The following SLC39A9 variants were observed in gnomAD, a reference collection of about 807,000 sequenced individuals.
SLC39A9 encodes the protein zinc transporter ZIP9.
Under a neutral mutation model 28.4 loss-of-function variants are expected in SLC39A9, and 14 were observed. The ratio of observed to expected loss-of-function variants is 0.49; its 90% CI spans 0.33 to 0.77. SLC39A9 has a LOEUF of 0.77. Ranked by LOEUF, SLC39A9 falls within the 30% of genes least tolerant of loss-of-function variation. The pLI, the probability that SLC39A9 is intolerant of heterozygous loss-of-function variation, is 0.02. For synonymous variants in SLC39A9, 119 were observed against 149.6 expected, an observed-to-expected ratio of 0.80 and a Z score of 1.49; for missense variants, 283 against 381.1, an observed-to-expected ratio of 0.74 and a Z score of 2.14.
chr14:69,449,626 T>TA (rs1382324976), intron 3 of SLC39A9, among the ~76,000 whole-genome samples: 1 of 151,900 alleles, frequency 6.6e-6, no homozygotes, highest in Admixed American at 6.6e-5. Flanking sequence ...CCCTGTGTCT[T>TA]AAAAAAAGAG....
chr14:69,442,533 T>G (rs1308714732), intron 3 of SLC39A9, among the ~76,000 whole-genome samples: 1 of 152,238 alleles, frequency 6.6e-6, no homozygotes, highest in Non-Finnish European at 1.5e-5. Context: ...TTAACTTAGT[T>G]TTTTGCTGTG....
At chr14:69,407,708 G>T (rs1454667172) in intron 1 of SLC39A9, among the ~76,000 whole-genome samples, 1 of 150,622 alleles carries the variant, frequency 6.6e-6, no homozygotes, top group Non-Finnish European at 1.5e-5. Context: ...GCACGATCTC[G>T]GCTCACTGCA....
rs754358585 is a variant in SLC39A9, at chr14:69,461,361, G to C, written c.*2768G>C. ...TAATTGCTTGTCAGTTCCATTTCAA[G>C]AAAGCAGTGATGTTCCAGGTTTGAT... is the stretch of plus-strand genomic sequence containing the variant. On this transcript the variant is annotated 3_prime_UTR_variant, in exon 7 of 7. Transcript: ENST00000336643. 8.9e-6 allele frequency: 10 copies of C among 1,120,414 alleles called. No homozygotes were observed. Among genetic ancestry groups the C allele is most frequent in the Non-Finnish European group, 1.1e-5 (10 of 910,624 alleles). The allele number at this position is 1,120,414 out of a possible 1,614,324, so 69.4% of individuals were successfully genotyped here.
chr14:69,409,352 T>C (rs1252148268), intron 1 of SLC39A9, among the ~76,000 whole-genome samples: 2 of 152,196 alleles, frequency 1.3e-5, no homozygotes, highest in East Asian at 3.8e-4. Flanking sequence ...GTTGTTGTTG[T>C]TAAGGCAAGG....
chr14:69,451,743 T>C (rs1885619670), intron 3 of SLC39A9, among the ~76,000 whole-genome samples: 1 of 152,206 alleles, frequency 6.6e-6, no homozygotes, highest in Non-Finnish European at 1.5e-5. Context: ...TGAGACAAGG[T>C]CTTGCTCTGT....
chr14:69,413,838 T>C (rs1374868521), intron 1 of SLC39A9, among the ~76,000 whole-genome samples: 1 of 152,172 alleles, frequency 6.6e-6, no homozygotes, highest in Admixed American at 6.5e-5. Flanking sequence ...TCATGTGATC[T>C]TGGGCAAATC....
intron 1 of SLC39A9, among the ~76,000 whole-genome samples, chr14:69,408,874 G>T (rs1349057129): frequency 6.6e-6 from 1 of 152,100 alleles, no homozygotes; most frequent in Non-Finnish European, 1.5e-5. Flanking sequence ...TAGTAGAGGG[G>T]AAAACATCTC....
intron 1 of SLC39A9, among the ~76,000 whole-genome samples, chr14:69,400,068 G>C (rs1248846427): frequency 6.7e-6 from 1 of 150,142 alleles, no homozygotes; most frequent in South Asian, 2.1e-4. Flanking sequence ...CTCCAAAAAA[G>C]AAAAAAAAAG....
intron 1 of SLC39A9, among the ~76,000 whole-genome samples, chr14:69,409,582 C>T (rs577358513): frequency 2.6e-5 from 4 of 152,282 alleles, no homozygotes; most frequent in Admixed American, 1.3e-4. Context: ...AGTAATCAAT[C>T]GTCTTGTCTT....
intron 2 of SLC39A9, among the ~76,000 whole-genome samples, chr14:69,435,485 T>A (rs1423859666): frequency 1.3e-5 from 2 of 152,238 alleles, no homozygotes; most frequent in Non-Finnish European, 2.9e-5. Flanking sequence ...TCATTTTTTT[T>A]AAACTCTAGT....
chr14:69,405,141 C>T (rs1026943272), intron 1 of SLC39A9, among the ~76,000 whole-genome samples: 1 of 152,190 alleles, frequency 6.6e-6, no homozygotes, highest in Non-Finnish European at 1.5e-5. Context: ...GACCTCCCAC[C>T]AGGTCCCTCG....
chr14:69,421,920 T>G (rs763660642), intron 1 of SLC39A9, among the ~76,000 whole-genome samples: 1 of 152,174 alleles, frequency 6.6e-6, no homozygotes, highest in African/African-American at 2.4e-5. Context: ...ATGGCTTCCC[T>G]TGGCTAGGAA....
intron 1 of SLC39A9, among the ~76,000 whole-genome samples, chr14:69,403,114 A>G (rs1882726580): frequency 6.6e-6 from 1 of 151,902 alleles, no homozygotes; most frequent in Non-Finnish European, 1.5e-5. Context: ...ATAAAAATAA[A>G]TAAATAAAGG....
chr14:69,431,759 A>G (rs2140284148), intron 2 of SLC39A9, among the ~76,000 whole-genome samples: 1 of 151,938 alleles, frequency 6.6e-6, no homozygotes, highest in Middle Eastern at 3.4e-3. Context: ...TGCCATCTTT[A>G]TGTCTATGAG....
chr14:69,459,171 C>T lies in SLC39A9; in HGVS notation c.*578C>T. On this transcript the variant is annotated 3_prime_UTR_variant, in exon 7 of 7. Transcript: ENST00000336643. ...ATGATAGCAAGACACATTGAAAGCT[C>T]TCTTTATACTCAAAAGAGATATCCA... is the stretch of plus-strand genomic sequence containing the variant. 1 of 985,764 alleles carries T rather than the reference C, an allele frequency of 1.0e-6. No homozygotes were observed. The highest frequency in any genetic ancestry group is 1.7e-5 in the African/African-American group (1 of 57,338). The allele number at this position is 985,764 out of a possible 1,614,324, so 61.1% of individuals were successfully genotyped here. A position where few individuals can be genotyped will look rare whatever the true frequency, so the allele number is the denominator to read the frequency against.
upstream of SLC39A9, chr14:69,398,522 T>G (rs1027373418): frequency 3.6e-6 from 2 of 554,190 alleles, no homozygotes; most frequent in African/African-American, 3.8e-5. Context: ...CTTTCGTTAT[T>G]AAACATACGG....
At position 69,460,845 on chromosome 14, in the gene SLC39A9, A is replaced by G. The variant is rs1271897392; in HGVS notation, c.*2252A>G. ...AAAGCTGCTGCCTCGAGAACTACTCATTTCTCTCCTGGTCAGCAGACAGAA... is the reference window on the plus strand; with the variant it reads ...AAAGCTGCTGCCTCGAGAACTACTCGTTTCTCTCCTGGTCAGCAGACAGAA... On this transcript the variant is annotated 3_prime_UTR_variant, in exon 7 of 7. Coordinates refer to ENST00000336643, the MANE Select transcript of SLC39A9 (RefSeq NM_018375.5). 6.1e-5 allele frequency: 60 copies of G among 985,424 alleles called. No homozygotes were observed. Among genetic ancestry groups the G allele is most frequent in the Non-Finnish European group, 7.1e-5 (59 of 829,966 alleles). 61.0% of individuals were successfully genotyped at this position (985,424 alleles called of 1,614,324 possible).
chr14:69,440,839 A>T (rs1885013963), intron 2 of SLC39A9, among the ~76,000 whole-genome samples: 1 of 151,996 alleles, frequency 6.6e-6, no homozygotes, highest in African/African-American at 2.4e-5. Flanking sequence ...GTGCCCAGCT[A>T]GTTTTTGTAT....
intron 3 of SLC39A9, among the ~76,000 whole-genome samples, chr14:69,452,981 A>C (rs1885686079): frequency 6.6e-6 from 1 of 152,192 alleles, no homozygotes; most frequent in South Asian, 2.1e-4. Flanking sequence ...AGTCAAATGA[A>C]GAGTTCCCTC....
Sources: allele counts gnomAD v4.1 joint callset (sites outside exome capture counted in the v4.1 genomes callset), GRCh38; gene constraint gnomAD v4.1.1; transcripts MANE v1.5; gene names NCBI Gene and HGNC (gene_info 2026-07-23, HGNC 2026-07-21).